The following MFHAS1 variants were observed in gnomAD, a reference collection of about 807,000 sequenced individuals.
MFHAS1 encodes multifunctional ROCO family signaling regulator 1.
In MFHAS1, 50 loss-of-function variants were observed where a neutral mutation model predicts 70.4. The ratio of observed to expected loss-of-function variants is 0.71; its 90% CI spans 0.57 to 0.90. The LOEUF is 0.90. MFHAS1 is among the 40% of genes least tolerant of loss of function. MFHAS1 has a pLI of 0.00. For synonymous variants in MFHAS1, 952 were observed against 620.0 expected (o/e 1.54, Z -7.96); for missense variants, 1,795 against 1,347.6 (o/e 1.33, Z -5.20).
At chr8:8,873,290 A>G (rs1809159180) in intron 1 of MFHAS1, among the ~76,000 whole-genome samples, 1 of 152,222 alleles carries the variant, frequency 6.6e-6, no homozygotes, top group Non-Finnish European at 1.5e-5. Context: ...CTGTTCGGCC[A>G]TACTGTCTGC....
chr8:8,873,139 C>T (rs1687099816), intron 1 of MFHAS1, among the ~76,000 whole-genome samples: 1 of 152,196 alleles, frequency 6.6e-6, no homozygotes, highest in Admixed American at 6.5e-5. Context: ...GGAAAATTCA[C>T]ATTTCTATTT....
At chr8:8,815,929 TAAAC>T (rs1395916484) in intron 1 of MFHAS1, among the ~76,000 whole-genome samples, 1 of 152,186 alleles carries the variant, frequency 6.6e-6, no homozygotes, top group Non-Finnish European at 1.5e-5. Flanking sequence ...GGTCGGCACA[TAAAC>T]AAATTGTGGC....
chr8:8,852,524 T>G (rs1354589121), intron 1 of MFHAS1, among the ~76,000 whole-genome samples: 1 of 151,624 alleles, frequency 6.6e-6, no homozygotes, highest in Non-Finnish European at 1.5e-5. Context: ...CACAAGAGGG[T>G]TTAGACCTGG....
intron 1 of MFHAS1, among the ~76,000 whole-genome samples, chr8:8,841,467 C>A (rs1459171165): frequency 7.0e-5 from 10 of 143,796 alleles, no homozygotes; most frequent in Admixed American, 6.8e-5. Flanking sequence ...GACTTCGTCT[C>A]AAAAAAAAAA....
At chr8:8,797,302 T>A (rs1284803696) in intron 2 of MFHAS1, 63 bp downstream of exon 2, 26 of 1,582,162 alleles carry the variant, frequency 1.6e-5, no homozygotes, top group Non-Finnish European at 2.1e-5. Flanking sequence ...ATTTTTGTGG[T>A]CATATCTATG....
Position 8,783,760 on chromosome 8 carries a change from G to A in MFHAS1, c.*2262C>T, listed in dbSNP as rs1419405515. The A allele has an allele frequency of 6.6e-6, 1 of 152,070 alleles. No individual in the cohort carries two copies. Among genetic ancestry groups the A allele is most frequent in the Non-Finnish European group, 1.5e-5 (1 of 68,010 alleles). The allele number at this position is 152,070 out of a possible 1,614,324, so 9.4% of individuals were successfully genotyped here. Reference sequence around the variant, plus strand: ...TCACCTATCGCCTCGGTGGGCTGCTGTGTCTTTCCAGGTGCTGAAAGAGAA... The same window carrying A: ...TCACCTATCGCCTCGGTGGGCTGCTATGTCTTTCCAGGTGCTGAAAGAGAA... On this transcript the variant is annotated 3_prime_UTR_variant, in exon 3 of 3. Coordinates refer to ENST00000276282, the MANE Select transcript of MFHAS1 (RefSeq NM_004225.3).
chr8:8,809,792 GC>G (rs1199352188), intron 1 of MFHAS1, among the ~76,000 whole-genome samples: 1 of 152,080 alleles, frequency 6.6e-6, no homozygotes, highest in Non-Finnish European at 1.5e-5. Context: ...ATTATAAAAA[GC>G]CCACAGTGCT....
intron 1 of MFHAS1, among the ~76,000 whole-genome samples, chr8:8,806,495 A>C: frequency 6.6e-6 from 1 of 152,236 alleles, no homozygotes; most frequent in East Asian, 1.9e-4. Context: ...GTTCTAAAAG[A>C]CAGAACAATA....
intron 2 of MFHAS1, among the ~76,000 whole-genome samples, chr8:8,788,068 T>G (rs749447059): frequency 2.0e-5 from 3 of 152,234 alleles, no homozygotes; most frequent in Non-Finnish European, 4.4e-5. Flanking sequence ...CTGGTAGAGT[T>G]CTTTCTTCCC....
At chr8:8,788,391 G>A (rs1805622078) in intron 2 of MFHAS1, among the ~76,000 whole-genome samples, 1 of 152,186 alleles carries the variant, frequency 6.6e-6, no homozygotes, top group Non-Finnish European at 1.5e-5. Context: ...AAAAAGTACT[G>A]AGGAGAGCCA....
At chr8:8,851,498 G>C (rs935550585) in intron 1 of MFHAS1, among the ~76,000 whole-genome samples, 1 of 152,182 alleles carries the variant, frequency 6.6e-6, no homozygotes, top group Non-Finnish European at 1.5e-5. Context: ...GTGTGGAGTT[G>C]TTATCTAAAT....
Position 8,892,056 on chromosome 8 carries a change from G to C in MFHAS1, c.1003C>G (p.Pro335Ala). 2 of 1,613,458 alleles carry C rather than the reference G, an allele frequency of 1.2e-6. No individual in the cohort carries two copies. Among genetic ancestry groups the C allele is most frequent in the Non-Finnish European group, 1.7e-6 (2 of 1,180,026 alleles). Residue 335 changes from proline (P) to alanine (A), a missense_variant, in exon 1 of 3, where the codon CCG becomes GCG. Physicochemically the swap from Pro to Ala is conservative, Grantham distance 27 (BLOSUM62 -1). Transcript: ENST00000276282. The surrounding 1 kb of genome is among the most constrained non-coding windows in gnomAD (Gnocchi z 4.7). ...CCGGTCAGCTCCACGATGGAGTCCG[G>C]CAGGTAGCGGATGCGGTTATTATCC... Reference protein sequence around the residue: ...WLDNNRIRYLPDSIVELTGLE... With the variant: ...WLDNNRIRYLADSIVELTGLE...
At chr8:8,820,537 C>G (rs1254195047) in intron 1 of MFHAS1, among the ~76,000 whole-genome samples, 1 of 152,190 alleles carries the variant, frequency 6.6e-6, no homozygotes, top group East Asian at 1.9e-4. Context: ...TCCACCCGTG[C>G]TCACCCAAAC....
chr8:8,821,809 G>A (rs1402555455), intron 1 of MFHAS1: 1 of 152,204 alleles, frequency 6.6e-6, no homozygotes, highest in Non-Finnish European at 1.5e-5. Flanking sequence ...AAGACAGCTG[G>A]GTTTAGTCAC....
chr8:8,860,283 T>C (rs181421928), intron 1 of MFHAS1, among the ~76,000 whole-genome samples: 7 of 152,300 alleles, frequency 4.6e-5, no homozygotes, highest in Middle Eastern at 3.4e-3. Flanking sequence ...GATAACAGAC[T>C]GTGCTACGCG....
At chr8:8,888,685 T>C (rs1809867088) in intron 1 of MFHAS1, among the ~76,000 whole-genome samples, 2 of 152,068 alleles carry the variant, frequency 1.3e-5, no homozygotes, top group African/African-American at 2.4e-5. Flanking sequence ...TAAAAAGATC[T>C]GTGGTTGCCG....
At chr8:8,865,888 A>G (rs1808837041) in intron 1 of MFHAS1, among the ~76,000 whole-genome samples, 1 of 152,226 alleles carries the variant, frequency 6.6e-6, no homozygotes, top group Non-Finnish European at 1.5e-5. Context: ...CAGAAAAACT[A>G]GGGCAGGGAT....
chr8:8,850,400 C>G (rs187743340), intron 1 of MFHAS1, among the ~76,000 whole-genome samples: 1 of 152,274 alleles, frequency 6.6e-6, no homozygotes, highest in African/African-American at 2.4e-5. Context: ...GACTGTGGTG[C>G]TAATATTTTC....
intron 1 of MFHAS1, among the ~76,000 whole-genome samples, chr8:8,875,211 G>A (rs988139355): frequency 5.9e-5 from 9 of 152,034 alleles, no homozygotes; most frequent in South Asian, 4.1e-4. Context: ...ACTCTACTTC[G>A]GGGATTACTG....
Sources: allele counts gnomAD v4.1 joint callset (sites outside exome capture counted in the v4.1 genomes callset), GRCh38; gene constraint gnomAD v4.1.1; non-coding constraint Gnocchi (gnomAD v3.1); transcripts MANE v1.5; gene names NCBI Gene and HGNC (gene_info 2026-07-23, HGNC 2026-07-21).